The following AFF1 variants were observed in gnomAD, a reference collection of about 807,000 sequenced individuals.
AFF1 encodes the protein ALF transcription elongation factor 1, also known as AF4/FMR2 family member 1.
AFF1 carries 48 observed loss-of-function variants against 121.7 expected under a neutral mutation model. That is an observed-to-expected ratio of 0.39 (90% CI 0.31 to 0.50). The LOEUF (loss-of-function observed/expected upper bound fraction) is 0.50, where lower values mean the gene tolerates loss of function less well. AFF1 is among the 20% of genes least tolerant of loss of function. The pLI is 0.76. For synonymous variants in AFF1, 613 were observed against 563.0 expected, an observed-to-expected ratio of 1.09 and a Z score of -1.26; for missense variants, 1,523 against 1,511.7, an observed-to-expected ratio of 1.01 and a Z score of -0.12.
intron 11 of AFF1, among the ~76,000 whole-genome samples, chr4:87,110,136 A>G (rs1420033561): frequency 1.3e-5 from 2 of 152,008 alleles, no homozygotes; most frequent in Non-Finnish European, 2.9e-5. Context: ...ACTGTAAATT[A>G]TGGAATTTTC....
intron 1 of AFF1, among the ~76,000 whole-genome samples, chr4:86,942,305 T>C (rs997395327): frequency 6.6e-6 from 1 of 152,236 alleles, no homozygotes; most frequent in Admixed American, 6.5e-5. Context: ...TCTACCAATA[T>C]CCATGTGCTT....
chr4:87,133,372 A>G (rs1205036581), intron 19 of AFF1, among the ~76,000 whole-genome samples: 9 of 152,232 alleles, frequency 5.9e-5, no homozygotes, highest in Admixed American at 4.6e-4. Context: ...TGCTATTTTA[A>G]GAATATCACT....
intron 2 of AFF1, among the ~76,000 whole-genome samples, chr4:86,952,049 G>A (rs545664142): frequency 5.9e-4 from 89 of 152,018 alleles, no homozygotes; most frequent in African/African-American, 2.0e-3. Context: ...TCTGTTGTTG[G>A]GCTGTCTTTT....
intron 4 of AFF1, among the ~76,000 whole-genome samples, chr4:87,072,598 G>A (rs944874233): frequency 3.3e-5 from 5 of 151,450 alleles, no homozygotes; most frequent in East Asian, 1.9e-4. Flanking sequence ...CTCAGCTCAC[G>A]GCAGCCTCCG....
chr4:86,992,247 G>T (rs1724789316), intron 2 of AFF1, among the ~76,000 whole-genome samples: 2 of 152,070 alleles, frequency 1.3e-5, no homozygotes, highest in South Asian at 2.1e-4. Flanking sequence ...CATTTTCTTG[G>T]GGCCTCATTT....
At chr4:86,985,861 G>GA (rs555621618) in intron 2 of AFF1, among the ~76,000 whole-genome samples, 28 of 149,946 alleles carry the variant, frequency 1.9e-4, no homozygotes, top group Middle Eastern at 3.4e-3. Flanking sequence ...GTTATTTACA[G>GA]AAAAAAAAAC....
chr4:87,015,129 T>C (rs1357311987), intron 2 of AFF1, among the ~76,000 whole-genome samples: 1 of 152,190 alleles, frequency 6.6e-6, no homozygotes, highest in African/African-American at 2.4e-5. Context: ...GGATAGTCAT[T>C]GGTATAAAGT....
Position 87,126,325 on chromosome 4 carries a change from T to C in AFF1, c.2800T>C (p.Ser934Pro). 3 of 1,614,046 alleles carry C rather than the reference T, an allele frequency of 1.9e-6. No individual in the cohort carries two copies. Among genetic ancestry groups the C allele is most frequent in the Non-Finnish European group, 2.5e-6 (3 of 1,179,960 alleles). Reference sequence around the variant, plus strand: ...AGAGGGGAAGGGCTCCAGAAGCTCCTCGGAGCACAAGGTGAGCAGGGGCGG... The same window carrying C: ...AGAGGGGAAGGGCTCCAGAAGCTCCCCGGAGCACAAGGTGAGCAGGGGCGG... ...RVEGKGSRSS[S>P]EHKGSSGDTA... The change falls in exon 14 of 21, where the codon TCG becomes CCG. Residue 934 changes from serine (S) to proline (P), a missense_variant. By Grantham distance (74) the Ser-to-Pro change is moderately conservative (BLOSUM62 -1). Transcript: ENST00000395146.
At chr4:86,998,330 C>A (rs1422639290) in intron 2 of AFF1, among the ~76,000 whole-genome samples, 2 of 152,164 alleles carry the variant, frequency 1.3e-5, no homozygotes, top group African/African-American at 2.4e-5. Context: ...AGCATTCTTG[C>A]ATGGAGAAGT....
chr4:87,024,296 G>GT (rs1433950154), intron 2 of AFF1, among the ~76,000 whole-genome samples: 2 of 152,182 alleles, frequency 1.3e-5, no homozygotes, highest in African/African-American at 4.8e-5. Context: ...TGGGGTGTCT[G>GT]TTTATCTCTA....
intron 2 of AFF1, among the ~76,000 whole-genome samples, chr4:86,972,330 T>A (rs977645330): frequency 6.6e-5 from 10 of 151,908 alleles, no homozygotes; most frequent in Non-Finnish European, 1.2e-4. Context: ...GAAAAGTAGA[T>A]GGAACCATTC....
intron 1 of AFF1, among the ~76,000 whole-genome samples, chr4:86,943,162 C>T (rs1242224561): frequency 6.6e-6 from 1 of 152,186 alleles, no homozygotes; most frequent in Non-Finnish European, 1.5e-5. Context: ...AGCACCAGAA[C>T]CCCGTTGAAC....
At chr4:86,948,988 TCTCC>T (rs1721068272) in intron 2 of AFF1, among the ~76,000 whole-genome samples, 1 of 152,092 alleles carries the variant, frequency 6.6e-6, no homozygotes, top group East Asian at 1.9e-4. Context: ...CTTTCACATC[TCTCC>T]CTCCAACTCT....
At chr4:87,099,143 G>A (rs974887890) in intron 8 of AFF1, among the ~76,000 whole-genome samples, 2 of 152,162 alleles carry the variant, frequency 1.3e-5, no homozygotes, top group South Asian at 2.1e-4. Flanking sequence ...AGCTTATACC[G>A]TTTGAACCTG....
At chr4:86,948,633 A>G (rs1578827182) in intron 2 of AFF1, 62 bp downstream of exon 2, 11 of 1,477,230 alleles carry the variant, frequency 7.4e-6, no homozygotes, top group Non-Finnish European at 9.1e-6. Flanking sequence ...CTACTTTTCA[A>G]TGAATAAGTT....
chr4:87,091,704 T>C (rs1188073392), intron 6 of AFF1, 89 bp from the exon 7 acceptor site: 5 of 866,878 alleles, frequency 5.8e-6, no homozygotes, highest in Admixed American at 5.8e-5. Context: ...CATAAGACTA[T>C]CCTTTTAATA....
rs1724682802 is a variant in AFF1, at chr4:87,094,983, T to C, written c.1283+14T>C. The C allele has an allele frequency of 1.2e-6, 2 of 1,609,070 alleles. No individual in the cohort carries two copies. Among genetic ancestry groups the C allele is most frequent in the Non-Finnish European group, 1.7e-6 (2 of 1,175,530 alleles). On this transcript the variant is annotated intron_variant, in intron 8 of 20. Coordinates refer to ENST00000395146, the MANE Select transcript of AFF1 (RefSeq NM_001166693.3). ...AGGAACGTCATCGTAAGTGAAATGC[T>C]TTTTGTGTATTAAAATTTTGTAGTA... is the stretch of plus-strand genomic sequence containing the variant.
Position 87,138,073 on chromosome 4 carries a change from C to T in AFF1, c.*2372C>T, listed in dbSNP as rs1159124367. On this transcript the variant is annotated 3_prime_UTR_variant, in exon 21 of 21. Transcript: ENST00000395146. ...ACTTGATATAAAGATTTTATTTGTC[C>T]CTTGAAAAAGTAACAAATGTGCATA... 4 of 229,842 alleles carry T rather than the reference C, an allele frequency of 1.7e-5. No individual in the cohort carries two copies. Among genetic ancestry groups the T allele is most frequent in the African/African-American group, 4.5e-5 (2 of 44,868 alleles). The allele number at this position is 229,842 out of a possible 1,614,324, so 14.2% of individuals were successfully genotyped here. A position where few individuals can be genotyped will look rare whatever the true frequency, so the allele number is the denominator to read the frequency against.
chr4:87,133,664 C>G (rs1174583090), intron 19 of AFF1, among the ~76,000 whole-genome samples: 1 of 152,238 alleles, frequency 6.6e-6, no homozygotes. Context: ...CCTCATGGAG[C>G]TTTCACTCTA....
Sources: gnomAD v4.1 joint callset for allele counts (sites outside exome capture counted in the v4.1 genomes callset) on GRCh38, gnomAD v4.1.1 for gene constraint, MANE v1.5 for transcripts, NCBI Gene and HGNC (gene_info 2026-07-23, HGNC 2026-07-21) for gene names.